TENM2: variants seen among roughly 807,000 people sequenced by gnomAD.
TENM2 encodes the protein teneurin transmembrane protein 2, also known as teneurin-2.
Under a neutral mutation model 245.2 loss-of-function variants are expected in TENM2, and 52 were observed. That is an observed-to-expected ratio of 0.21 (90% CI 0.17 to 0.27). TENM2 has a LOEUF of 0.27. Ranked by LOEUF, TENM2 falls within the 10% of genes least tolerant of loss-of-function variation. TENM2 has a pLI of 1.00. For missense variants in TENM2, 3,046 were observed against 3,666.8 expected, an observed-to-expected ratio of 0.83 and a Z score of 4.37; for synonymous variants, 1,363 against 1,438.9, an observed-to-expected ratio of 0.95 and a Z score of 1.19.
At chr5:167,680,267 A>G (rs1328696408) in intron 2 of TENM2, among the ~76,000 whole-genome samples, 1 of 151,878 alleles carries the variant, frequency 6.6e-6, no homozygotes, top group Non-Finnish European at 1.5e-5. Context: ...AATAGCCACA[A>G]GTAGGGACTT....
the TENM2 span, among the ~76,000 whole-genome samples, chr5:167,088,403 G>T: frequency 6.6e-6 from 1 of 152,088 alleles, no homozygotes; most frequent in Non-Finnish European, 1.5e-5. Context: ...GAGGATGGTG[G>T]ATCACCTGAG....
chr5:167,818,796 T>G (rs1194730006), intron 2 of TENM2, among the ~76,000 whole-genome samples: 4 of 152,208 alleles, frequency 2.6e-5, no homozygotes, highest in African/African-American at 4.8e-5. Flanking sequence ...TAGTTGCTTT[T>G]AAACCCTATT....
In TENM2 at chr5:167,319,598, A is replaced by G. The variant is rs1438703439; in HGVS notation, c.226+34535A>G. Reference sequence around the variant, plus strand: ...CTCCTTATTGTACAGTTGAAAAACAATACTCAGGGAAGTCTAGGAAGTGAC... The same window carrying G: ...CTCCTTATTGTACAGTTGAAAAACAGTACTCAGGGAAGTCTAGGAAGTGAC... On this transcript the variant is annotated intron_variant, in intron 1 of 28. Coordinates refer to ENST00000518659, the Ensembl canonical transcript of TENM2. 6.7e-4 allele frequency among the ~76,000 whole-genome samples: 102 copies of G among 152,310 alleles called. 2 individuals are homozygous for G. Among genetic ancestry groups the G allele is most frequent in the Non-Finnish European group, 5.9e-5 (4 of 68,004 alleles).
chr5:167,548,264 T>A (rs956015042), intron 2 of TENM2, among the ~76,000 whole-genome samples: 1 of 152,202 alleles, frequency 6.6e-6, no homozygotes, highest in Non-Finnish European at 1.5e-5. Flanking sequence ...GTTGACAGAC[T>A]TTTTTCTTAT....
the TENM2 span, among the ~76,000 whole-genome samples, chr5:167,235,898 A>T: frequency 6.6e-6 from 1 of 152,212 alleles, no homozygotes; most frequent in Admixed American, 6.5e-5. Context: ...AATCTCATGG[A>T]TAAAGAGCTC....
At chr5:167,450,058 G>T (rs779383757) in intron 2 of TENM2, among the ~76,000 whole-genome samples, 5 of 152,186 alleles carry the variant, frequency 3.3e-5, no homozygotes, top group Non-Finnish European at 7.4e-5. Flanking sequence ...TGGATGGATG[G>T]ATGGATGATG....
chr5:167,885,278 C>G (rs1774195382), intron 3 of TENM2, among the ~76,000 whole-genome samples: 1 of 152,096 alleles, frequency 6.6e-6, no homozygotes, highest in Admixed American at 6.6e-5. Flanking sequence ...TCTATTTTTA[C>G]TTTTGTTGTC....
At chr5:167,865,858 C>T (rs543500349) in intron 2 of TENM2, among the ~76,000 whole-genome samples, 14 of 152,310 alleles carry the variant, frequency 9.2e-5, no homozygotes, top group African/African-American at 3.4e-4. Flanking sequence ...CCTAAGACAA[C>T]AGCCATAGCA....
Position 168,205,520 on chromosome 5 carries a change from G to T in TENM2, c.3824+899G>T, listed in dbSNP as rs531409297. 2.0e-5 allele frequency among the ~76,000 whole-genome samples: 3 copies of T among 152,310 alleles called. No homozygotes were observed. The East Asian group carries it at 5.8e-4, about 29-fold the overall frequency. Reference sequence around the variant, plus strand: ...TACATGGATGAGGAGGCTACGTAAGGTGAATTAGTTGGAGAAACCTCTTGT... The same window carrying T: ...TACATGGATGAGGAGGCTACGTAAGTTGAATTAGTTGGAGAAACCTCTTGT... On this transcript the variant is annotated intron_variant, in intron 19 of 28. Coordinates refer to ENST00000518659, the Ensembl canonical transcript of TENM2.
intron 26 of TENM2, among the ~76,000 whole-genome samples, chr5:168,246,455 GTT>G (rs1463954394): frequency 6.6e-6 from 1 of 152,154 alleles, no homozygotes; most frequent in Non-Finnish European, 1.5e-5. Flanking sequence ...TTTGCAGGGA[GTT>G]TGTTACAAAA....
At chr5:167,346,091 A>T (rs1021220333) in intron 1 of TENM2, among the ~76,000 whole-genome samples, 1 of 152,182 alleles carries the variant, frequency 6.6e-6, no homozygotes, top group African/African-American at 2.4e-5. Context: ...AGTCCGCCAA[A>T]TAGCAAGTTA....
rs749016436 is a variant in TENM2 at position 167,470,454 on chromosome 5, C to CTTTTTTTTTTTTTTTTTTTTTTTT, written c.502+95003_502+95004insTTTTTTTTTTTTTTTTTTTTTTTT. On this transcript the variant is annotated intron_variant, in intron 2 of 28. Transcript: ENST00000518659. The stretch of plus-strand genomic sequence containing the variant: ...TACAGAGAGGTATGGGCAATGCTTG[C>CTTTTTTTTTTTTTTTTTTTTTTTT]TTTTTTTTTTTTTTTTTTTTTTGCT... 3.1e-3 allele frequency among the ~76,000 whole-genome samples: 147 copies of CTTTTTTTTTTTTTTTTTTTTTTTT among 47,396 alleles called. 30 individuals carry two copies. The highest frequency in any genetic ancestry group is 7.2e-3 in the East Asian group (9 of 1,252). 31.1% of individuals were successfully genotyped at this position (47,396 alleles called of 152,430 possible).
At position 168,117,392 on chromosome 5, in the gene TENM2, A is replaced by AC. The variant is rs1455989616; in HGVS notation, c.1814-895dup. ...TTATCCTCAGGGGATACATTCCAAG[A>AC]CCCCCTGTGTGTACCTGAAACCACA... On this transcript the variant is annotated intron_variant, in intron 9 of 28. Coordinates refer to ENST00000518659, the Ensembl canonical transcript of TENM2. 7.9e-5 allele frequency among the ~76,000 whole-genome samples: 12 copies of AC among 151,928 alleles called. No individual in the cohort carries two copies. The Middle Eastern group carries it at 0.01, about 129-fold the overall frequency.
intron 1 of TENM2, among the ~76,000 whole-genome samples, chr5:167,344,499 A>G (rs1464121400): frequency 6.6e-6 from 1 of 151,994 alleles, no homozygotes; most frequent in Admixed American, 6.6e-5. Context: ...GGAGAAATTA[A>G]CTTATTTAAG....
chr5:168,061,795 T>C (rs1283664361), intron 6 of TENM2, among the ~76,000 whole-genome samples: 1 of 152,206 alleles, frequency 6.6e-6, no homozygotes, highest in Non-Finnish European at 1.5e-5. Flanking sequence ...AGGCTCCAGA[T>C]CTGATTATAT....
At chr5:168,176,662 T>C (rs954718448) in intron 13 of TENM2, among the ~76,000 whole-genome samples, 9 of 152,164 alleles carry the variant, frequency 5.9e-5, no homozygotes, top group Non-Finnish European at 1.5e-5. Flanking sequence ...TTGTCTATTT[T>C]CCCCCTCTAG....
Position 168,216,701 on chromosome 5 carries a change from C to T in TENM2, c.4079-67C>T. The T allele has an allele frequency of 2.6e-6, 4 of 1,534,998 alleles. No individual in the cohort carries two copies. In the South Asian group the frequency reaches 4.5e-5, roughly 17 times the overall value. On this transcript the variant is annotated intron_variant, in intron 21 of 28. Coordinates refer to ENST00000518659, the Ensembl canonical transcript of TENM2. ...CAGAGTGCTCAGCAAGGCATCTCAT[C>T]TCCCACCTCCACCCCGCAATCCTAC...
intron 12 of TENM2, among the ~76,000 whole-genome samples, chr5:168,137,099 G>A (rs1755118152): frequency 6.6e-6 from 1 of 152,190 alleles, no homozygotes; most frequent in Admixed American, 6.5e-5. Flanking sequence ...AGTACGTCCT[G>A]CCAGTTCCCA....
intron 5 of TENM2, among the ~76,000 whole-genome samples, chr5:168,029,905 T>G (rs1185301379): frequency 6.6e-6 from 1 of 152,170 alleles, no homozygotes; most frequent in African/African-American, 2.4e-5. Flanking sequence ...AAAGTTCCAT[T>G]GATGTGGCTG....
Sources: allele counts gnomAD v4.1 joint callset (sites outside exome capture counted in the v4.1 genomes callset), GRCh38; gene constraint gnomAD v4.1.1; transcripts MANE v1.5; gene names NCBI Gene and HGNC (gene_info 2026-07-23, HGNC 2026-07-21).